The following ALDH1L1 variants were observed in gnomAD, a reference collection of about 807,000 sequenced individuals.
ALDH1L1 encodes aldehyde dehydrogenase 1 family member L1.
A neutral mutation model predicts 101.1 loss-of-function variants in ALDH1L1; 68 were observed. The ratio of observed to expected loss-of-function variants is 0.67; its 90% CI spans 0.55 to 0.82. The LOEUF (loss-of-function observed/expected upper bound fraction) is 0.82. Ranked by LOEUF, ALDH1L1 falls within the 40% of genes least tolerant of loss-of-function variation. ALDH1L1 has a pLI of 0.00. For synonymous variants in ALDH1L1, 486 were observed against 470.8 expected, an observed-to-expected ratio of 1.03 and a Z score of -0.42; for missense variants, 1,087 against 1,172.7, an observed-to-expected ratio of 0.93 and a Z score of 1.07.
chr3:126,161,234 G>A (rs2081044053), intron 1 of ALDH1L1, among the ~76,000 whole-genome samples: 1 of 152,222 alleles, frequency 6.6e-6, no homozygotes, highest in Admixed American at 6.5e-5. Context: ...GCGACAGCAG[G>A]TGAGCTGGAA....
intron 2 of ALDH1L1, among the ~76,000 whole-genome samples, chr3:126,159,969 A>G (rs2081006894): frequency 1.3e-5 from 2 of 152,002 alleles, no homozygotes; most frequent in South Asian, 2.1e-4. Flanking sequence ...CTGGCCCTCT[A>G]TCCTTAAGCC....
At chr3:126,138,090 C>A in intron 9 of ALDH1L1, 130 bp from the exon 10 acceptor site, 1 of 1,209,122 alleles carries the variant, frequency 8.3e-7, no homozygotes, top group African/African-American at 1.5e-5. Flanking sequence ...GCCATGAGCC[C>A]AGAACTGGGG....
intron 10 of ALDH1L1, among the ~76,000 whole-genome samples, 180 bp from the exon 11 acceptor site, chr3:126,137,063 C>T (rs1044561371): frequency 3.9e-5 from 6 of 152,162 alleles, no homozygotes; most frequent in Admixed American, 3.3e-4. Flanking sequence ...GGCTGCCTGG[C>T]GGGAGCTCTG....
At chr3:126,188,605 G>A (rs928199769) in intron 1 of ALDH1L1, among the ~76,000 whole-genome samples, 1 of 152,046 alleles carries the variant, frequency 6.6e-6, no homozygotes, top group Admixed American at 6.6e-5. Context: ...TAAAACTTAG[G>A]GCATCAGCGC....
chr3:126,172,914 A>G (rs1161676854), intron 1 of ALDH1L1, among the ~76,000 whole-genome samples: 2 of 152,180 alleles, frequency 1.3e-5, no homozygotes, highest in Non-Finnish European at 2.9e-5. Flanking sequence ...ACGTCTCTTC[A>G]TAAACCATGC....
intron 20 of ALDH1L1, among the ~76,000 whole-genome samples, chr3:126,108,942 GT>G (rs1320865624): frequency 6.6e-6 from 1 of 152,184 alleles, no homozygotes; most frequent in Non-Finnish European, 1.5e-5. Flanking sequence ...CCTGGCAGCT[GT>G]GTGAATAAAG....
chr3:126,142,822 T>C (rs979642249), intron 9 of ALDH1L1, among the ~76,000 whole-genome samples: 6 of 152,178 alleles, frequency 3.9e-5, no homozygotes, highest in African/African-American at 1.2e-4. Context: ...CAATACACTA[T>C]AGTAGTTCCT....
At chr3:126,191,181 G>T (rs957504276) in intron 1 of ALDH1L1, among the ~76,000 whole-genome samples, 1 of 152,190 alleles carries the variant, frequency 6.6e-6, no homozygotes, top group Non-Finnish European at 1.5e-5. Context: ...AGATTGGGAG[G>T]CAAAAGGATT....
chr3:126,103,983 A>G, intron 22 of ALDH1L1, 137 bp from the exon 23 acceptor site: 1 of 939,814 alleles, frequency 1.1e-6, no homozygotes, highest in Non-Finnish European at 1.6e-6. Context: ...GTCGAGGCCC[A>G]GCGAGGTCAT....
At chr3:126,114,012 A>G (rs1158807992) in intron 18 of ALDH1L1, among the ~76,000 whole-genome samples, 1 of 152,316 alleles carries the variant, frequency 6.6e-6, no homozygotes, top group Non-Finnish European at 1.5e-5. Context: ...TGGTGGAGCC[A>G]GGCACTGCAC....
intron 7 of ALDH1L1, 34 bp from the exon 8 acceptor site, chr3:126,150,565 CT>C: frequency 6.6e-7 from 1 of 1,519,672 alleles, no homozygotes; most frequent in South Asian, 1.2e-5. Context: ...CTTTTCTTTT[CT>C]TTTTTTGAGA....
chr3:126,154,645 T>G lies in ALDH1L1; in HGVS notation c.631-2A>C. Reference sequence around the variant, plus strand: ...CTCTGCCGGCTGGTCCCAGTTGATCTGTGGGGAGCAAGGTGTGTGTGCTCA... The same window carrying G: ...CTCTGCCGGCTGGTCCCAGTTGATCGGTGGGGAGCAAGGTGTGTGTGCTCA... On this transcript the variant is annotated splice_acceptor_variant, in intron 5 of 22. Coordinates refer to ENST00000393434, the MANE Select transcript of ALDH1L1 (RefSeq NM_012190.4). LOFTEE classifies it high-confidence loss of function. 6.2e-7 allele frequency: 1 copy of G among 1,614,048 alleles called. No homozygotes were observed. The highest frequency in any genetic ancestry group is 8.5e-7 in the Non-Finnish European group (1 of 1,179,972).
intron 4 of ALDH1L1, chr3:126,156,182 C>T (rs986105231): frequency 6.6e-6 from 1 of 152,242 alleles, no homozygotes; most frequent in Non-Finnish European, 1.5e-5. Flanking sequence ...CTGAATTTTT[C>T]AGTATAATTC....
intron 12 of ALDH1L1, among the ~76,000 whole-genome samples, chr3:126,134,356 C>T (rs1369412521): frequency 6.6e-6 from 1 of 152,222 alleles, no homozygotes; most frequent in African/African-American, 2.4e-5. Context: ...AAGGGAGGGA[C>T]CCCACGCACG....
At chr3:126,132,875 C>A (rs2080343979) in intron 12 of ALDH1L1, among the ~76,000 whole-genome samples, 1 of 152,224 alleles carries the variant, frequency 6.6e-6, no homozygotes, top group Non-Finnish European at 1.5e-5. Flanking sequence ...GCGCCCAGCT[C>A]CAGCACAGCA....
intron 20 of ALDH1L1, chr3:126,108,124 C>T (rs901789535): frequency 2.0e-5 from 3 of 152,246 alleles, no homozygotes; most frequent in African/African-American, 7.2e-5. Flanking sequence ...CATGTACATG[C>T]ATAGTGGTTT....
chr3:126,176,951 A>C (rs1376278549), intron 1 of ALDH1L1, among the ~76,000 whole-genome samples: 3 of 152,232 alleles, frequency 2.0e-5, no homozygotes, highest in South Asian at 2.1e-4. Context: ...GAAGCATTTA[A>C]AAAGATGCTC....
intron 1 of ALDH1L1, among the ~76,000 whole-genome samples, chr3:126,193,467 G>T (rs1004613845): frequency 6.6e-6 from 1 of 151,926 alleles, no homozygotes; most frequent in Non-Finnish European, 1.5e-5. Context: ...CCCCCTTTTT[G>T]CTGGGTTCTC....
Position 126,118,108 on chromosome 3 carries a change from G to A in ALDH1L1, c.1889-10C>T, listed in dbSNP as rs1445720079. On this transcript the variant is annotated splice_polypyrimidine_tract_variant and intron_variant, in intron 16 of 22. Coordinates refer to ENST00000393434, the MANE Select transcript of ALDH1L1 (RefSeq NM_012190.4). ...TGGCCGACCAGGGAGCCTGTGGGCG[G>A]GAGGGAGGGGGGAATCAGAGTGGTC... The A allele has an allele frequency of 1.9e-6, 3 of 1,607,532 alleles. No individual in the cohort carries two copies. The East Asian group carries it at 6.7e-5, about 36-fold the overall frequency.
Sources: gnomAD v4.1 joint callset for allele counts (sites outside exome capture counted in the v4.1 genomes callset) on GRCh38, gnomAD v4.1.1 for gene constraint, MANE v1.5 for transcripts, NCBI Gene and HGNC (gene_info 2026-07-23, HGNC 2026-07-21) for gene names.